Variants in SPTLC2 observed in about 807,000 individuals in gnomAD.
SPTLC2 encodes the protein serine palmitoyltransferase long chain base subunit 2, also known as serine palmitoyltransferase 2.
Under a neutral mutation model 62.0 loss-of-function variants are expected in SPTLC2, and 21 were observed. That is an observed-to-expected ratio of 0.34 (90% confidence interval 0.24 to 0.49). The LOEUF is 0.49. Among genes scored for constraint, SPTLC2 ranks in the 20% least tolerant of loss-of-function variants. The probability of loss-of-function intolerance (pLI) is 0.99; values close to 1 mark genes in which losing one functional copy is unlikely to be tolerated. For missense variants in SPTLC2, 511 were observed against 713.0 expected, an observed-to-expected ratio of 0.72 and a Z score of 3.23; for synonymous variants, 261 against 261.8, an observed-to-expected ratio of 1.00 and a Z score of 0.03.
intron 2 of SPTLC2, among the ~76,000 whole-genome samples, chr14:77,582,864 C>T (rs2079759461): frequency 6.6e-6 from 1 of 152,092 alleles, no homozygotes; most frequent in African/African-American, 2.4e-5. Context: ...TAGCTAAGCT[C>T]CAGGGTAGTA....
intron 1 of SPTLC2, among the ~76,000 whole-genome samples, chr14:77,609,683 G>C (rs546182662): frequency 6.6e-6 from 1 of 152,056 alleles, no homozygotes; most frequent in South Asian, 2.1e-4. Flanking sequence ...GTTGCAGTGA[G>C]CCACACTGCA....
intron 9 of SPTLC2, among the ~76,000 whole-genome samples, chr14:77,530,823 C>G (rs1002190003): frequency 3.9e-5 from 6 of 152,194 alleles, no homozygotes; most frequent in Non-Finnish European, 8.8e-5. Flanking sequence ...ATTCTAGCTC[C>G]TGTATTGCTA....
intron 5 of SPTLC2, among the ~76,000 whole-genome samples, chr14:77,569,854 G>GAAATATAAAAATAAAATAATAT (rs1594996097): frequency 2.8e-5 from 2 of 70,332 alleles, no homozygotes; most frequent in East Asian, 5.7e-4. Flanking sequence ...TTATATATAT[G>GAAATATAAAAATAAAATAATAT]TATATAAATA....
Position 77,527,410 on chromosome 14 carries a change from T to C in SPTLC2, c.1304-5829A>G, listed in dbSNP as rs573392363. Among the ~76,000 whole-genome samples, 6 of 152,212 alleles carry C rather than the reference T, an allele frequency of 3.9e-5. No individual in the cohort carries two copies. The East Asian group carries it at 1.2e-3, about 29-fold the overall frequency. Reference sequence around the variant, plus strand: ...CCTTGAAAAGGATGGAGGGTAGAGGTTGAAGGAGCGCCACAATTATCTACC... The same window carrying C: ...CCTTGAAAAGGATGGAGGGTAGAGGCTGAAGGAGCGCCACAATTATCTACC... On this transcript the variant is annotated intron_variant, in intron 9 of 11. Coordinates refer to ENST00000216484, the MANE Select transcript of SPTLC2 (RefSeq NM_004863.4).
At chr14:77,551,461 A>G (rs557279632) in intron 9 of SPTLC2, among the ~76,000 whole-genome samples, 1 of 151,786 alleles carries the variant, frequency 6.6e-6, no homozygotes, top group South Asian at 2.1e-4. Context: ...AATATTTTTT[A>G]AAGTAAAGAC....
At chr14:77,583,878 A>G (rs1193984660) in intron 2 of SPTLC2, among the ~76,000 whole-genome samples, 1 of 152,212 alleles carries the variant, frequency 6.6e-6, no homozygotes, top group Non-Finnish European at 1.5e-5. Context: ...AGTCAAGTCC[A>G]AGCAGCCTTA....
At chr14:77,567,033 C>G (rs554356247) in intron 5 of SPTLC2, among the ~76,000 whole-genome samples, 1 of 151,972 alleles carries the variant, frequency 6.6e-6, no homozygotes, top group Non-Finnish European at 1.5e-5. Flanking sequence ...TGCAGTGGCC[C>G]GATCTCGGCT....
chr14:77,526,440 T>C (rs1041801086), intron 9 of SPTLC2, among the ~76,000 whole-genome samples: 1 of 152,206 alleles, frequency 6.6e-6, no homozygotes, highest in Non-Finnish European at 1.5e-5. Flanking sequence ...TTCCTACTTT[T>C]CAAACATAAA....
chr14:77,518,275 A>G, intron 10 of SPTLC2, 108 bp from the exon 11 acceptor site: 1 of 1,521,988 alleles, frequency 6.6e-7, no homozygotes. Flanking sequence ...CAGGCATTGG[A>G]GACTTCTAAT....
At position 77,571,822 on chromosome 14, in the gene SPTLC2, G is replaced by T. The variant is rs113880315; in HGVS notation, c.632-1314C>A. ...TTCTTTTTTTGAGAGAGAGAGTCTCGCACTGTCGCCCAGGCTGGAGTGCAG... is the reference window on the plus strand; with the variant it reads ...TTCTTTTTTTGAGAGAGAGAGTCTCTCACTGTCGCCCAGGCTGGAGTGCAG... On this transcript the variant is annotated intron_variant, in intron 4 of 11. Transcript: ENST00000216484. 2.3e-4 allele frequency among the ~76,000 whole-genome samples: 35 copies of T among 152,112 alleles called. 2 individuals carry two copies. The highest frequency in any genetic ancestry group is 8.4e-4 in the African/African-American group (35 of 41,486).
rs11159268 is a variant in SPTLC2 at position 77,507,838 on chromosome 14, C to A, written c.*4446G>T. On this transcript the variant is annotated 3_prime_UTR_variant, in exon 12 of 12. Transcript: ENST00000216484. Reference sequence around the variant, plus strand: ...CTTGGCTTAGTAGCCAAAAAATAATCTTTGCTTTTTATACCTCCCCATTCA... The same window carrying A: ...CTTGGCTTAGTAGCCAAAAAATAATATTTGCTTTTTATACCTCCCCATTCA... The A allele has an allele frequency of 0.56, 84,643 of 152,114 alleles. 26,773 individuals are homozygous for A. Among genetic ancestry groups the A allele is most frequent in the East Asian group, 0.96 (4,982 of 5,174 alleles). The allele number at this position is 152,114 out of a possible 1,614,324, so 9.4% of individuals were successfully genotyped here.
intron 8 of SPTLC2, among the ~76,000 whole-genome samples, chr14:77,553,280 G>A (rs754993419): frequency 7.2e-5 from 11 of 151,960 alleles, no homozygotes; most frequent in African/African-American, 1.7e-4. Context: ...ATTAAAAATT[G>A]TACTAAAAAA....
At chr14:77,519,133 A>C (rs1345169931) in intron 10 of SPTLC2, among the ~76,000 whole-genome samples, 1 of 152,006 alleles carries the variant, frequency 6.6e-6, no homozygotes, top group Non-Finnish European at 1.5e-5. Context: ...TCCACCTCCC[A>C]GATTCTAGCA....
chr14:77,602,233 T>A (rs2079881949), intron 1 of SPTLC2, among the ~76,000 whole-genome samples: 1 of 152,208 alleles, frequency 6.6e-6, no homozygotes, highest in Non-Finnish European at 1.5e-5. Flanking sequence ...GAACTCCACA[T>A]TCGCATTTCC....
intron 1 of SPTLC2, among the ~76,000 whole-genome samples, chr14:77,608,012 T>C (rs2079913973): frequency 6.6e-6 from 1 of 152,154 alleles, no homozygotes; most frequent in Non-Finnish European, 1.5e-5. Context: ...TTCCCCTTCC[T>C]TGTAGCACCA....
At chr14:77,562,337 A>G in intron 6 of SPTLC2, 59 bp downstream of exon 6, 2 of 1,424,718 alleles carry the variant, frequency 1.4e-6, no homozygotes, top group African/African-American at 1.4e-5. Flanking sequence ...GTTAACTCCC[A>G]CCATGGATCG....
intron 7 of SPTLC2, among the ~76,000 whole-genome samples, chr14:77,555,797 T>C (rs1050218119): frequency 1.1e-4 from 16 of 152,146 alleles, no homozygotes; most frequent in Admixed American, 3.9e-4. Context: ...GTTTGTATTT[T>C]TAGTAGAGAT....
intron 3 of SPTLC2, among the ~76,000 whole-genome samples, chr14:77,578,118 C>G (rs2079727180): frequency 6.6e-6 from 1 of 152,124 alleles, no homozygotes; most frequent in South Asian, 2.1e-4. Context: ...GCACTCCAGC[C>G]TGGGCAACAA....
intron 6 of SPTLC2, among the ~76,000 whole-genome samples, chr14:77,561,356 T>C (rs934472568): frequency 2.6e-5 from 4 of 152,082 alleles, no homozygotes; most frequent in Admixed American, 1.3e-4. Flanking sequence ...ACACCTGTAA[T>C]CCCAGCACTT....
Sources: gnomAD v4.1 joint callset for allele counts (sites outside exome capture counted in the v4.1 genomes callset) on GRCh38, gnomAD v4.1.1 for gene constraint, MANE v1.5 for transcripts, NCBI Gene and HGNC (gene_info 2026-07-23, HGNC 2026-07-21) for gene names.